The following BTBD3 variants were observed in gnomAD, a reference collection of about 807,000 sequenced individuals.
The protein encoded by BTBD3 is BTB domain containing 3, also known as BTB/POZ domain-containing protein 3.
A neutral mutation model predicts 41.6 loss-of-function variants in BTBD3; 14 were observed. The ratio of observed to expected loss-of-function variants is 0.34; its 90% CI spans 0.22 to 0.53. The LOEUF (loss-of-function observed/expected upper bound fraction) is 0.53. Among genes scored for constraint, BTBD3 ranks in the 20% least tolerant of loss-of-function variants. BTBD3 has a pLI of 0.95. For missense variants in BTBD3, 426 were observed against 654.7 expected, an observed-to-expected ratio of 0.65 and a Z score of 3.81; for synonymous variants, 249 against 233.7, an observed-to-expected ratio of 1.07 and a Z score of -0.60.
intron 1 of BTBD3, among the ~76,000 whole-genome samples, chr20:11,905,575 C>G (rs559556250): frequency 6.6e-6 from 1 of 152,144 alleles, no homozygotes; most frequent in South Asian, 2.1e-4. Flanking sequence ...TACCGCTATG[C>G]GTAAATAAAT....
Position 11,924,686 on chromosome 20 carries a change from T to C in BTBD3, c.*1020T>C, listed in dbSNP as rs1261875425. 6.5e-6 allele frequency: 1 copy of C among 152,704 alleles called. No homozygotes were observed. Among genetic ancestry groups the C allele is most frequent in the Non-Finnish European group, 1.5e-5 (1 of 68,052 alleles). The allele number at this position is 152,704 out of a possible 1,614,324, so 9.5% of individuals were successfully genotyped here. On this transcript the variant is annotated 3_prime_UTR_variant, in exon 4 of 4. Coordinates refer to ENST00000378226, the MANE Select transcript of BTBD3 (RefSeq NM_014962.4). Reference sequence around the variant, plus strand: ...ACTAGTTTTGTAGCACTACATTTAATGTAATGAGATACCTTTGTTCATTTT... The same window carrying C: ...ACTAGTTTTGTAGCACTACATTTAACGTAATGAGATACCTTTGTTCATTTT...
At chr20:11,922,558 A>T in intron 3 of BTBD3, 76 bp from the exon 4 acceptor site, 1 of 1,351,628 alleles carries the variant, frequency 7.4e-7, no homozygotes, top group East Asian at 2.3e-5. Flanking sequence ...AACAAACTTG[A>T]AAGTGGTTGT....
At chr20:11,911,735 T>G (rs1240810791) in intron 1 of BTBD3, among the ~76,000 whole-genome samples, 1 of 152,180 alleles carries the variant, frequency 6.6e-6, no homozygotes, top group Non-Finnish European at 1.5e-5. Flanking sequence ...TTGAAGTATC[T>G]TCAACTTTAC....
At chr20:11,907,865 T>A (rs968462497) in intron 1 of BTBD3, among the ~76,000 whole-genome samples, 2 of 152,168 alleles carry the variant, frequency 1.3e-5, no homozygotes, top group African/African-American at 4.8e-5. Flanking sequence ...AGATCCAAAA[T>A]GCATTGCAAG....
intron 1 of BTBD3, among the ~76,000 whole-genome samples, chr20:11,902,088 CTTTTGACTCACAA>C: frequency 6.7e-6 from 1 of 149,872 alleles, no homozygotes; most frequent in Admixed American, 6.6e-5. Flanking sequence ...CCATGTGTAA[CTTTTGACTCACAA>C]AAACTTAACT....
chr20:11,917,117 T>C (rs181152145), upstream of BTBD3, among the ~76,000 whole-genome samples: 1 of 152,362 alleles, frequency 6.6e-6, no homozygotes, highest in African/African-American at 2.4e-5. Context: ...AATGTAGCCT[T>C]AACAGTTAAG....
At chr20:11,906,253 CCTTTTTTT>C (rs2056853283) in intron 1 of BTBD3, among the ~76,000 whole-genome samples, 1 of 37,348 alleles carries the variant, frequency 2.7e-5, no homozygotes, top group Non-Finnish European at 6.3e-5. Context: ...TATTATTACT[CCTTTTTTT>C]TTTTTTTTTT....
chr20:11,898,220 A>G (rs2056800511), intron 1 of BTBD3, among the ~76,000 whole-genome samples: 2 of 151,768 alleles, frequency 1.3e-5, no homozygotes, highest in Non-Finnish European at 2.9e-5. Context: ...TCACTAACTG[A>G]CCTCTTCTCC....
rs1228758990 is a variant in BTBD3, at chr20:11,926,073, T to TA, written c.*2408dup. Reference sequence around the variant, plus strand: ...TTCAATGAAATGGAATGAAGGCTAATATGCTTGCTTTATTTACTTTTGTAA... The same window carrying TA: ...TTCAATGAAATGGAATGAAGGCTAATAATGCTTGCTTTATTTACTTTTGTAA... On this transcript the variant is annotated 3_prime_UTR_variant, in exon 4 of 4. Coordinates refer to ENST00000378226, the MANE Select transcript of BTBD3 (RefSeq NM_014962.4). The TA allele has an allele frequency of 3.3e-5, 5 of 152,390 alleles. No homozygotes were observed. The highest frequency in any genetic ancestry group is 6.5e-5 in the Admixed American group (1 of 15,284). 9.4% of individuals were successfully genotyped at this position (152,390 alleles called of 1,614,324 possible).
Position 11,896,999 on chromosome 20 carries a change from C to T in BTBD3, c.-126+6045C>T, listed in dbSNP as rs1406374587. On this transcript the variant is annotated intron_variant, in intron 1 of 4. Transcript: ENST00000254977. ...GCAGTATTTGATGTAATTTGTTATT[C>T]CTCCTTTTTTAATATTCTTCCTTCA... Among the ~76,000 whole-genome samples, 3 of 152,234 alleles carry T rather than the reference C, an allele frequency of 2.0e-5. No individual in the cohort carries two copies. The East Asian group carries it at 5.8e-4, about 29-fold the overall frequency.
chr20:11,907,797 G>T (rs560533734), intron 1 of BTBD3, among the ~76,000 whole-genome samples: 10 of 152,148 alleles, frequency 6.6e-5, no homozygotes, highest in African/African-American at 2.4e-4. Flanking sequence ...GGTTTGCAGG[G>T]TGGGTGAATG....
intron 1 of BTBD3, among the ~76,000 whole-genome samples, chr20:11,894,885 AT>A (rs1416375172): frequency 6.6e-6 from 1 of 152,202 alleles, no homozygotes; most frequent in African/African-American, 2.4e-5. Flanking sequence ...AAGACCACTT[AT>A]TTTACAATAA....
chr20:11,894,706 A>G (rs2056776285), intron 1 of BTBD3, among the ~76,000 whole-genome samples: 1 of 151,324 alleles, frequency 6.6e-6, no homozygotes, highest in African/African-American at 2.4e-5. Context: ...CCAATAAAAT[A>G]TTTTTATTTC....
At chr20:11,921,073 C>A (rs6033260) in intron 3 of BTBD3, among the ~76,000 whole-genome samples, 1 of 152,188 alleles carries the variant, frequency 6.6e-6, no homozygotes. Context: ...CCAGTTTTAC[C>A]TGCAAGTATC....
At chr20:11,914,902 T>C (rs766466565), upstream of BTBD3, among the ~76,000 whole-genome samples, 13 of 152,202 alleles carry the variant, frequency 8.5e-5, no homozygotes, top group East Asian at 2.5e-3. Context: ...TAAAATGCAT[T>C]TCTTACTGTG....
intron 1 of BTBD3, among the ~76,000 whole-genome samples, chr20:11,906,546 G>A (rs1298115237): frequency 6.6e-6 from 1 of 151,974 alleles, no homozygotes; most frequent in Non-Finnish European, 1.5e-5. Context: ...TTACAGGCGT[G>A]AGCCACCATA....
chr20:11,915,381 A>G (rs1335936605), upstream of BTBD3, among the ~76,000 whole-genome samples: 3 of 152,190 alleles, frequency 2.0e-5, no homozygotes, highest in Non-Finnish European at 4.4e-5. Context: ...AAATTAAATT[A>G]TTTTGAGTTA....
chr20:11,923,216 G>T lies in BTBD3; in HGVS notation c.1119G>T (p.Gln373His). ...AAGCCCGTAAGGGCCTTGTCCCCCA[G>T]CGCTGTCACCGTTTCCAGTCGTGTG... ...VSKARKGLVPQRCHRFQSCAY... is the reference protein window; with the variant it reads ...VSKARKGLVPHRCHRFQSCAY... The change falls in exon 4 of 4, where the codon CAG becomes CAT. Residue 373 changes from glutamine (Q) to histidine (H), a missense_variant. By Grantham distance (24) the Gln-to-His change is conservative (BLOSUM62 0). Coordinates refer to ENST00000378226, the MANE Select transcript of BTBD3 (RefSeq NM_014962.4). This position sits in a 1 kb window ranked among gnomAD's most constrained non-coding sequence, Gnocchi z 5.3. The T allele has an allele frequency of 6.2e-7, 1 of 1,614,238 alleles. No individual in the cohort carries two copies. The highest frequency in any genetic ancestry group is 8.5e-7 in the Non-Finnish European group (1 of 1,180,042).
At chr20:11,921,833 G>A (rs980731883) in intron 3 of BTBD3, among the ~76,000 whole-genome samples, 2 of 152,212 alleles carry the variant, frequency 1.3e-5, no homozygotes, top group Non-Finnish European at 2.9e-5. Context: ...TAGAAGAGAA[G>A]CAGATGATGA....
Sources: allele counts gnomAD v4.1 joint callset (sites outside exome capture counted in the v4.1 genomes callset), GRCh38; gene constraint gnomAD v4.1.1; non-coding constraint Gnocchi (gnomAD v3.1); transcripts MANE v1.5; gene names NCBI Gene and HGNC (gene_info 2026-07-23, HGNC 2026-07-21).